KCNH8: variants seen among roughly 807,000 people sequenced by gnomAD.
The protein encoded by KCNH8 is voltage-gated delayed rectifier potassium channel KCNH8.
KCNH8 carries 70 observed loss-of-function variants against 103.6 expected under a neutral mutation model. The observed-to-expected ratio is 0.68, with a 90% CI of 0.56 to 0.82. The LOEUF (loss-of-function observed/expected upper bound fraction) is 0.82, where lower values mean the gene tolerates loss of function less well. Ranked by LOEUF, KCNH8 falls within the 40% of genes least tolerant of loss-of-function variation. KCNH8 has a pLI of 0.00. For synonymous variants in KCNH8, 498 were observed against 489.4 expected, an observed-to-expected ratio of 1.02 and a Z score of -0.23; for missense variants, 1,217 against 1,329.9, an observed-to-expected ratio of 0.92 and a Z score of 1.32.
At chr3:19,520,780 G>A (rs1349464832) in intron 15 of KCNH8, among the ~76,000 whole-genome samples, 1 of 151,890 alleles carries the variant, frequency 6.6e-6, no homozygotes, top group African/African-American at 2.4e-5. Context: ...CACAGACTGT[G>A]GGCCTTTGTG....
chr3:19,489,049 TA>T (rs2068267269), intron 11 of KCNH8, among the ~76,000 whole-genome samples: 2 of 152,162 alleles, frequency 1.3e-5, no homozygotes, highest in African/African-American at 4.8e-5. Flanking sequence ...TTTACCCCAG[TA>T]ATATTGCTGT....
At chr3:19,428,790 A>G (rs1283227970) in intron 7 of KCNH8, among the ~76,000 whole-genome samples, 2 of 152,222 alleles carry the variant, frequency 1.3e-5, no homozygotes, top group East Asian at 1.9e-4. Flanking sequence ...AAGATCGCGT[A>G]TGCACTTTTA....
At chr3:19,423,075 A>T (rs1363721763) in intron 7 of KCNH8, among the ~76,000 whole-genome samples, 1 of 152,122 alleles carries the variant, frequency 6.6e-6, no homozygotes, top group Non-Finnish European at 1.5e-5. Flanking sequence ...CAACACCAGC[A>T]TAAGGATTGA....
At chr3:19,204,509 A>G (rs1467965755) in intron 1 of KCNH8, among the ~76,000 whole-genome samples, 1 of 152,016 alleles carries the variant, frequency 6.6e-6, no homozygotes, top group Non-Finnish European at 1.5e-5. Flanking sequence ...AGTGGTTATC[A>G]ATTTTTCTTT....
At chr3:19,266,029 C>T (rs919130646) in intron 2 of KCNH8, among the ~76,000 whole-genome samples, 1 of 152,046 alleles carries the variant, frequency 6.6e-6, no homozygotes, top group African/African-American at 2.4e-5. Flanking sequence ...AGTCTTTTCT[C>T]CTCACTGTCT....
intron 2 of KCNH8, among the ~76,000 whole-genome samples, chr3:19,270,504 G>A (rs1349426117): frequency 6.6e-6 from 1 of 152,124 alleles, no homozygotes; most frequent in African/African-American, 2.4e-5. Flanking sequence ...GTAACGCAAG[G>A]ATAAGCTTAT....
intron 11 of KCNH8, among the ~76,000 whole-genome samples, chr3:19,467,118 A>T (rs989966211): frequency 6.6e-5 from 10 of 152,130 alleles, no homozygotes; most frequent in Non-Finnish European, 1.5e-4. Flanking sequence ...TAGTAACTTT[A>T]TTGTAGTGGT....
intron 11 of KCNH8, among the ~76,000 whole-genome samples, chr3:19,463,515 A>G (rs986057402): frequency 3.9e-5 from 6 of 152,180 alleles, no homozygotes; most frequent in African/African-American, 9.6e-5. Flanking sequence ...CAGATAAAAA[A>G]TATGCTCAAA....
chr3:19,450,750 C>A (rs1254745395), intron 9 of KCNH8: 1 of 264,448 alleles, frequency 3.8e-6, no homozygotes, highest in Non-Finnish European at 7.3e-6. Flanking sequence ...ATCAACGAAC[C>A]ATTTCATCAA....
chr3:19,462,624 G>A lies in KCNH8; in HGVS notation c.2040+5642G>A, dbSNP rs575442918. ...CACTCTGATGGTAGTTTCTTTTGCT[G>A]TGCAGAAGCTCTCTAGTTTAATTAG... On this transcript the variant is annotated intron_variant, in intron 11 of 15. Coordinates refer to ENST00000328405, the MANE Select transcript of KCNH8 (RefSeq NM_144633.3). Among the ~76,000 whole-genome samples, 6 of 152,248 alleles carry A rather than the reference G, an allele frequency of 3.9e-5. No individual in the cohort carries two copies. In the South Asian group the frequency reaches 1.2e-3, roughly 32 times the overall value.
chr3:19,295,041 A>T (rs530453788), intron 3 of KCNH8, among the ~76,000 whole-genome samples: 1 of 152,254 alleles, frequency 6.6e-6, no homozygotes, highest in African/African-American at 2.4e-5. Context: ...TTTAATATTA[A>T]AAAACTTTTT....
intron 11 of KCNH8, among the ~76,000 whole-genome samples, chr3:19,484,068 G>T (rs1182289267): frequency 6.6e-6 from 1 of 151,872 alleles, no homozygotes; most frequent in Non-Finnish European, 1.5e-5. Flanking sequence ...GACAGCACAG[G>T]CATCAAATTT....
chr3:19,377,737 A>C (rs959028775), intron 5 of KCNH8, among the ~76,000 whole-genome samples: 2 of 152,194 alleles, frequency 1.3e-5, no homozygotes, highest in Non-Finnish European at 2.9e-5. Flanking sequence ...TCCATGGTAG[A>C]TGGTGGAGAA....
chr3:19,269,713 G>A (rs577642973), intron 2 of KCNH8, among the ~76,000 whole-genome samples: 1 of 152,202 alleles, frequency 6.6e-6, no homozygotes, highest in South Asian at 2.1e-4. Flanking sequence ...AGCTGAGAAA[G>A]CTCCTACTCA....
intron 4 of KCNH8, 98 bp from the exon 5 acceptor site, chr3:19,347,627 T>C: frequency 7.1e-7 from 1 of 1,400,288 alleles, no homozygotes; most frequent in East Asian, 2.3e-5. Flanking sequence ...CTTTGTGTAG[T>C]GAATGATCCT....
At chr3:19,154,877 G>A (rs938966754) in intron 1 of KCNH8, among the ~76,000 whole-genome samples, 24 of 152,152 alleles carry the variant, frequency 1.6e-4, no homozygotes, top group African/African-American at 4.1e-4. Flanking sequence ...AGTATGCTTC[G>A]CCCTGGCAGT....
intron 5 of KCNH8, among the ~76,000 whole-genome samples, chr3:19,375,604 C>T (rs1372555952): frequency 6.6e-6 from 1 of 151,970 alleles, no homozygotes; most frequent in Non-Finnish European, 1.5e-5. Context: ...CTTCTCTCAG[C>T]TCGTCAAAGT....
intron 1 of KCNH8, among the ~76,000 whole-genome samples, chr3:19,184,895 A>G (rs2063488286): frequency 6.6e-6 from 1 of 151,916 alleles, no homozygotes; most frequent in Non-Finnish European, 1.5e-5. Context: ...TTTTATATCC[A>G]GTTTCTTTCA....
intron 2 of KCNH8, among the ~76,000 whole-genome samples, chr3:19,267,742 A>G (rs1177743896): frequency 1.3e-5 from 2 of 152,140 alleles, no homozygotes; most frequent in African/African-American, 4.8e-5. Flanking sequence ...AAATATGAAG[A>G]AACACATAAA....
Sources: gnomAD v4.1 joint callset for allele counts (sites outside exome capture counted in the v4.1 genomes callset) on GRCh38, gnomAD v4.1.1 for gene constraint, MANE v1.5 for transcripts, NCBI Gene and HGNC (gene_info 2026-07-23, HGNC 2026-07-21) for gene names.